ALG12: variants seen among roughly 807,000 people sequenced by gnomAD.
The protein encoded by ALG12 is ALG12 alpha-1,6-mannosyltransferase.
ALG12 carries 36 observed loss-of-function variants against 46.0 expected under a neutral mutation model. The observed-to-expected ratio is 0.78, with a 90% confidence interval of 0.60 to 1.03. The LOEUF (loss-of-function observed/expected upper bound fraction) is 1.03, where lower values mean the gene tolerates loss of function less well. ALG12 is among the 50% of genes least tolerant of loss of function. The pLI, the probability that ALG12 is intolerant of heterozygous loss-of-function variation, is 0.00. For missense variants in ALG12, 599 were observed against 633.5 expected, an observed-to-expected ratio of 0.95 and a Z score of 0.58; for synonymous variants, 326 against 291.6, an observed-to-expected ratio of 1.12 and a Z score of -1.20.
chr22:49,897,378 G>A (rs1443902561), downstream of ALG12, among the ~76,000 whole-genome samples: 1 of 152,194 alleles, frequency 6.6e-6, no homozygotes, highest in African/African-American at 2.4e-5. Context: ...GTAAGAGTAT[G>A]CTTAGTTCTG....
At chr22:49,912,169 T>A (rs1365134876) in intron 3 of ALG12, among the ~76,000 whole-genome samples, 1 of 151,976 alleles carries the variant, frequency 6.6e-6, no homozygotes, top group Non-Finnish European at 1.5e-5. Context: ...GGCCCCAGGA[T>A]GACATGCTCT....
the ALG12 span, among the ~76,000 whole-genome samples, chr22:49,895,120 T>C: frequency 5.9e-5 from 9 of 151,368 alleles, no homozygotes; most frequent in African/African-American, 1.9e-4. Flanking sequence ...CATCTTTCTA[T>C]GTTAGTAAAC....
chr22:49,876,774 A>C, the ALG12 span, among the ~76,000 whole-genome samples: 1 of 152,160 alleles, frequency 6.6e-6, no homozygotes, highest in African/African-American at 2.4e-5. Context: ...TTTGGAAACA[A>C]AAGACCTCGT....
chr22:49,884,992 G>A, the ALG12 span: 2 of 1,613,632 alleles, frequency 1.2e-6, no homozygotes, highest in Non-Finnish European at 8.5e-7. Flanking sequence ...GTTTGAATCT[G>A]GCGCCATCTT....
chr22:49,885,965 C>A, the ALG12 span: 1 of 710,366 alleles, frequency 1.4e-6, no homozygotes, highest in Non-Finnish European at 2.6e-6. Context: ...CACTGCTCGG[C>A]GCTGTTGGAC....
the ALG12 span, among the ~76,000 whole-genome samples, chr22:49,868,662 T>A: frequency 1.8e-3 from 281 of 152,160 alleles, no homozygotes; most frequent in East Asian, 0.017. Context: ...AAGATAAAAA[T>A]TATAAATGAA....
At chr22:49,904,117 C>A (rs533681867) in intron 9 of ALG12, 51 bp from the exon 10 acceptor site, 5 of 1,613,870 alleles carry the variant, frequency 3.1e-6, no homozygotes, top group Non-Finnish European at 4.2e-6. Context: ...ATCGCCCTGT[C>A]CCCCGCCCCC....
the ALG12 span, chr22:49,888,476 G>A: frequency 6.0e-6 from 1 of 167,182 alleles, no homozygotes; most frequent in Non-Finnish European, 1.5e-5. Flanking sequence ...TTTATTTTTA[G>A]GATAAGAAAA....
chr22:49,861,064 C>T, the ALG12 span, among the ~76,000 whole-genome samples: 1 of 152,128 alleles, frequency 6.6e-6, no homozygotes, highest in African/African-American at 2.4e-5. Flanking sequence ...GCATGAGCCA[C>T]CATGCCCGGC....
chr22:49,885,173 G>C, the ALG12 span: 1 of 1,614,050 alleles, frequency 6.2e-7, no homozygotes, highest in Non-Finnish European at 8.5e-7. Flanking sequence ...CTCTACCGGC[G>C]CCATCCAGAA....
the ALG12 span, among the ~76,000 whole-genome samples, chr22:49,875,697 A>C: frequency 6.6e-6 from 1 of 152,128 alleles, no homozygotes; most frequent in African/African-American, 2.4e-5. Flanking sequence ...CTGGGATTAC[A>C]GGCGTGAGTC....
the ALG12 span, chr22:49,885,367 A>G: frequency 1.6e-5 from 25 of 1,586,894 alleles, no homozygotes; most frequent in Admixed American, 9.0e-5. Flanking sequence ...TCATTTTTCT[A>G]TTTGCTCCGC....
rs186563620 is a variant in ALG12, at chr22:49,903,363, C to T, written c.*475G>A. On this transcript the variant is annotated 3_prime_UTR_variant, in exon 10 of 10. Transcript: ENST00000330817. ...GTGGTGGCACCAGGGTGGGGGGGTG[C>T]GGCCGGGGCCACCATGGTCTCCCCT... 2.0e-4 allele frequency: 91 copies of T among 457,046 alleles called. No individual in the cohort carries two copies. Among genetic ancestry groups the T allele is most frequent in the Admixed American group, 1.4e-3 (60 of 42,422 alleles). 28.3% of individuals were successfully genotyped at this position (457,046 alleles called of 1,614,324 possible). A position where few individuals can be genotyped will look rare whatever the true frequency, so the allele number is the denominator to read the frequency against.
At chr22:49,860,022 G>A in the ALG12 span, among the ~76,000 whole-genome samples, 1 of 131,514 alleles carries the variant, frequency 7.6e-6, no homozygotes, top group Admixed American at 7.6e-5. Flanking sequence ...AATCAGCCGG[G>A]CATGATGGTA....
the ALG12 span, chr22:49,885,953 A>C: frequency 1.4e-6 from 1 of 737,678 alleles, no homozygotes; most frequent in South Asian, 1.6e-5. Context: ...TGTGACGACC[A>C]CCACTGCTCG....
At position 49,906,540 on chromosome 22, in the gene ALG12, G is replaced by A. The variant is rs977340347; in HGVS notation, c.992+1181C>T. The stretch of plus-strand genomic sequence containing the variant: ...GCCCGAGGGCAGTGCGGGGCAGTCG[G>A]AGCTGGGGGGCACCATCCCCTCCCC... On this transcript the variant is annotated intron_variant, in intron 7 of 9. Transcript: ENST00000330817. This position sits in a 1 kb window ranked among gnomAD's most constrained non-coding sequence, Gnocchi z 4.4. Among the ~76,000 whole-genome samples the A allele has an allele frequency of 2.0e-5, 3 of 152,162 alleles. No homozygotes were observed. The highest frequency in any genetic ancestry group is 7.2e-5 in the African/African-American group (3 of 41,422).
At chr22:49,871,479 T>C in the ALG12 span, among the ~76,000 whole-genome samples, 1 of 151,858 alleles carries the variant, frequency 6.6e-6, no homozygotes, top group African/African-American at 2.4e-5. Context: ...TGAGACTCTG[T>C]CTCAAAAATA....
the ALG12 span, among the ~76,000 whole-genome samples, chr22:49,877,855 G>A: frequency 2.0e-5 from 3 of 151,974 alleles, no homozygotes; most frequent in Admixed American, 6.6e-5. Context: ...TTGGCCTCCC[G>A]CACTCTGCAG....
chr22:49,916,947 A>G (rs1410663689), intron 1 of ALG12, among the ~76,000 whole-genome samples: 1 of 152,132 alleles, frequency 6.6e-6, no homozygotes, highest in Non-Finnish European at 1.5e-5. Flanking sequence ...GGGTGAAAAC[A>G]TTACGTGCTG....
Sources: allele counts gnomAD v4.1 joint callset (sites outside exome capture counted in the v4.1 genomes callset), GRCh38; gene constraint gnomAD v4.1.1; non-coding constraint Gnocchi (gnomAD v3.1); transcripts MANE v1.5; gene names NCBI Gene and HGNC (gene_info 2026-07-23, HGNC 2026-07-21).